TRIM33: variants seen among roughly 807,000 people sequenced by gnomAD.
TRIM33 encodes the protein E3 ubiquitin-protein ligase TRIM33.
A neutral mutation model predicts 125.4 loss-of-function variants in TRIM33; 20 were observed. The observed-to-expected ratio is 0.16, with a 90% confidence interval of 0.11 to 0.23. TRIM33 has a LOEUF of 0.23. Among genes scored for constraint, TRIM33 ranks in the 10% least tolerant of loss-of-function variants. The pLI is 1.00. For missense variants in TRIM33, 920 were observed against 1,411.4 expected, an observed-to-expected ratio of 0.65 and a Z score of 5.58; for synonymous variants, 564 against 513.9, an observed-to-expected ratio of 1.10 and a Z score of -1.32.
At chr1:114,437,355 T>G (rs1648370282) in intron 4 of TRIM33, among the ~76,000 whole-genome samples, 1 of 152,214 alleles carries the variant, frequency 6.6e-6, no homozygotes, top group Admixed American at 6.5e-5. Context: ...ATTTATTTAT[T>G]TAGAGACGGA....
intron 1 of TRIM33, among the ~76,000 whole-genome samples, chr1:114,473,210 T>A (rs964588281): frequency 3.4e-5 from 5 of 149,160 alleles, no homozygotes; most frequent in African/African-American, 1.2e-4. Flanking sequence ...TGAGCCGAGA[T>A]CATGCCACTA....
At chr1:114,448,713 G>A (rs1035010081) in intron 4 of TRIM33, among the ~76,000 whole-genome samples, 1 of 152,184 alleles carries the variant, frequency 6.6e-6, no homozygotes, top group Non-Finnish European at 1.5e-5. Flanking sequence ...ATGAGGTAAA[G>A]TGAAAGGGTA....
At chr1:114,406,335 A>C (rs1213270970) in intron 14 of TRIM33, among the ~76,000 whole-genome samples, 1 of 152,206 alleles carries the variant, frequency 6.6e-6, no homozygotes, top group Non-Finnish European at 1.5e-5. Flanking sequence ...CAATACCTTG[A>C]GATGAATTCC....
chr1:114,466,888 C>T (rs1172452704), intron 1 of TRIM33, among the ~76,000 whole-genome samples: 1 of 152,238 alleles, frequency 6.6e-6, no homozygotes, highest in East Asian at 1.9e-4. Flanking sequence ...TGAGCCACCG[C>T]ACCCCGCCAG....
At chr1:114,419,200 CAAAAAA>C (rs35757503) in intron 11 of TRIM33, among the ~76,000 whole-genome samples, 2 of 54,324 alleles carry the variant, frequency 3.7e-5, no homozygotes, top group Non-Finnish European at 3.8e-5. Context: ...GACACCATCT[CAAAAAA>C]AAAAAAAAAA....
Position 114,394,007 on chromosome 1 carries a change from A to G in TRIM33, c.*3641T>C, listed in dbSNP as rs2101064066. The G allele has an allele frequency of 4.5e-6, 1 of 223,862 alleles. No individual in the cohort carries two copies. Among genetic ancestry groups the G allele is most frequent in the Non-Finnish European group, 8.9e-6 (1 of 111,888 alleles). 13.9% of individuals were successfully genotyped at this position (223,862 alleles called of 1,614,324 possible). A position where few individuals can be genotyped will look rare whatever the true frequency, so the allele number is the denominator to read the frequency against. ...TCAAGGAGGAGATTAACTGTGAGGGAAAAAAAATTAAATATCCAGGTCCGG... is the reference window on the plus strand; with the variant it reads ...TCAAGGAGGAGATTAACTGTGAGGGGAAAAAAATTAAATATCCAGGTCCGG... On this transcript the variant is annotated 3_prime_UTR_variant, in exon 20 of 20. Transcript: ENST00000358465.
chr1:114,475,673 C>T (rs1650936642), intron 1 of TRIM33, among the ~76,000 whole-genome samples: 1 of 144,522 alleles, frequency 6.9e-6, no homozygotes, highest in Admixed American at 6.8e-5. Flanking sequence ...CAGAGTAAGA[C>T]TCCATCTCAA....
intron 7 of TRIM33, 76 bp downstream of exon 7, chr1:114,427,667 ATACTT>A (rs1647678028): frequency 3.6e-6 from 5 of 1,401,620 alleles, no homozygotes; most frequent in Middle Eastern, 1.9e-4. Context: ...ATTAAAATGT[ATACTT>A]TAAACAGGTG....
intron 10 of TRIM33, among the ~76,000 whole-genome samples, chr1:114,423,734 C>A (rs570377259): frequency 6.6e-6 from 1 of 151,956 alleles, no homozygotes; most frequent in Non-Finnish European, 1.5e-5. Context: ...TCTTTCTGGG[C>A]GTACATGGAC....
At position 114,510,720 on chromosome 1, in the gene TRIM33, G is replaced by A. The variant is rs1253131107; in HGVS notation, c.357C>T (p.Ala119=). The part of the protein sequence containing the change: ...PSAGPPPGPP[A]SLLDTCAVCQ... ...ACACGGCGCAGGTGTCCAGGAGCGA[G>A]GCTGGCGGTCCAGGAGGCGGCCCTG... The change falls in exon 1 of 20, where the codon GCC becomes GCT. Residue 119 remains alanine, a synonymous_variant. Transcript: ENST00000358465. The A allele has an allele frequency of 6.5e-7, 1 of 1,536,320 alleles. No homozygotes were observed. The highest frequency in any genetic ancestry group is 8.7e-7 in the Non-Finnish European group (1 of 1,146,512).
chr1:114,475,287 T>C (rs1385854768), intron 1 of TRIM33, among the ~76,000 whole-genome samples: 4 of 152,208 alleles, frequency 2.6e-5, no homozygotes, highest in African/African-American at 7.2e-5. Context: ...ATAAAAACTA[T>C]AAGCCAAAGA....
At chr1:114,433,837 A>G in intron 4 of TRIM33, 104 bp from the exon 5 acceptor site, 1 of 699,320 alleles carries the variant, frequency 1.4e-6, no homozygotes, top group South Asian at 1.9e-5. Context: ...TAATTAAGTG[A>G]TCAACTCTAT....
At chr1:114,506,345 T>C (rs1246326294) in intron 1 of TRIM33, among the ~76,000 whole-genome samples, 1 of 147,598 alleles carries the variant, frequency 6.8e-6, no homozygotes, top group Non-Finnish European at 1.5e-5. Context: ...ATCGCACCAT[T>C]GCACTCCAGC....
chr1:114,432,166 G>C (rs964398320), intron 5 of TRIM33, among the ~76,000 whole-genome samples: 3 of 152,106 alleles, frequency 2.0e-5, no homozygotes, highest in Non-Finnish European at 4.4e-5. Flanking sequence ...GTGCAATCTT[G>C]TAACAGGTAA....
At chr1:114,424,540 T>C in intron 10 of TRIM33, 51 bp downstream of exon 10, 1 of 1,438,016 alleles carries the variant, frequency 7.0e-7, no homozygotes, top group East Asian at 2.4e-5. Flanking sequence ...GAAAATGACG[T>C]CTTTTAATTT....
In TRIM33 at chr1:114,424,611, G is replaced by A; in HGVS notation, c.1840C>T (p.Gln614Ter). ...RHSGPQYSMM[Q>*]PHLQRQHSNP... ...CATACTTGTCTTTGGAGGTGTGGCT[G>A]CATCATGGAATATTGAGGGCCGCTG... Residue 614 changes from glutamine to a stop codon, truncating the protein, a stop_gained, in exon 10 of 20, where the codon CAG becomes TAG. Coordinates refer to ENST00000358465, the MANE Select transcript of TRIM33 (RefSeq NM_015906.4). LOFTEE classifies it high-confidence loss of function. The A allele has an allele frequency of 6.3e-7, 1 of 1,595,538 alleles. No individual in the cohort carries two copies. The highest frequency in any genetic ancestry group is 8.5e-7 in the Non-Finnish European group (1 of 1,173,142).
chr1:114,466,775 C>T (rs1040347211), intron 1 of TRIM33, among the ~76,000 whole-genome samples: 1 of 152,162 alleles, frequency 6.6e-6, no homozygotes, highest in Admixed American at 6.5e-5. Flanking sequence ...TATCTTTCAA[C>T]TAAATTAGGG....
intron 1 of TRIM33, among the ~76,000 whole-genome samples, chr1:114,499,652 C>T (rs1327565649): frequency 6.6e-6 from 1 of 152,114 alleles, no homozygotes; most frequent in Non-Finnish European, 1.5e-5. Flanking sequence ...CTGACAGAAG[C>T]AAATGCAAAA....
At chr1:114,415,994 A>T (rs1175707990) in intron 11 of TRIM33, among the ~76,000 whole-genome samples, 1 of 151,716 alleles carries the variant, frequency 6.6e-6, no homozygotes, top group African/African-American at 2.4e-5. Context: ...AGAACAAAAG[A>T]AAACTGTCTC....
Sources: gnomAD v4.1 joint callset for allele counts (sites outside exome capture counted in the v4.1 genomes callset) on GRCh38, gnomAD v4.1.1 for gene constraint, MANE v1.5 for transcripts, NCBI Gene and HGNC (gene_info 2026-07-23, HGNC 2026-07-21) for gene names.